Variants in DOCK8 observed in about 807,000 individuals in gnomAD.
DOCK8 encodes dedicator of cytokinesis protein 8.
In DOCK8, 141 loss-of-function variants were observed where a neutral mutation model predicts 245.6. The ratio of observed to expected loss-of-function variants is 0.57; its 90% CI spans 0.50 to 0.66. The LOEUF is 0.66. Ranked by LOEUF, DOCK8 falls within the 30% of genes least tolerant of loss-of-function variation. The pLI is 0.00. For synonymous variants in DOCK8, 1,168 were observed against 970.2 expected (o/e 1.20, Z -3.79); for missense variants, 2,965 against 2,603.4 (o/e 1.14, Z -3.02).
rs147438181 is a variant in DOCK8, at chr9:343,635, A to G, written c.1679+3314A>G. Among the ~76,000 whole-genome samples, 648 of 152,304 alleles carry G rather than the reference A, an allele frequency of 4.3e-3. 9 individuals are homozygous for G. Among genetic ancestry groups the G allele is most frequent in the African/African-American group, 0.013 (548 of 41,560 alleles). The stretch of plus-strand genomic sequence containing the variant: ...TTCCTGGAGCAGCTCTTCATTTTCA[A>G]TCCTCATTCCTTACATCTAAACTTA... On this transcript the variant is annotated intron_variant, in intron 14 of 47. Transcript: ENST00000432829.
At chr9:460,417 T>C (rs1301527785) in intron 46 of DOCK8, 1 of 152,228 alleles carries the variant, frequency 6.6e-6, no homozygotes, top group Non-Finnish European at 1.5e-5. Context: ...GCCAATGTTA[T>C]AAACTTGGGC....
intron 13 of DOCK8, among the ~76,000 whole-genome samples, chr9:339,586 C>G (rs1196451509): frequency 4.6e-5 from 7 of 152,206 alleles, no homozygotes; most frequent in Non-Finnish European, 1.0e-4. Context: ...ACAATCTCAG[C>G]TCACTGCAAC....
chr9:286,430 A>G, intron 2 of DOCK8, 31 bp from the exon 3 acceptor site: 1 of 1,611,178 alleles, frequency 6.2e-7, no homozygotes, highest in Non-Finnish European at 8.5e-7. Flanking sequence ...ACTGGGTGAG[A>G]ACCTCCTTTT....
At chr9:355,781 A>G (rs927932567) in intron 14 of DOCK8, among the ~76,000 whole-genome samples, 1 of 152,086 alleles carries the variant, frequency 6.6e-6, no homozygotes, top group African/African-American at 2.4e-5. Flanking sequence ...TGTACACCCT[A>G]TTCCTCCCTA....
At position 317,975 on chromosome 9, in the gene DOCK8, CAA is replaced by C. The variant is rs33920445; in HGVS notation, c.827+858_827+859del. 3.6e-3 allele frequency among the ~76,000 whole-genome samples: 541 copies of C among 149,502 alleles called. 4 individuals carry two copies. Among genetic ancestry groups the C allele is most frequent in the African/African-American group, 0.011 (460 of 40,892 alleles). On this transcript the variant is annotated intron_variant, in intron 7 of 47. Coordinates refer to ENST00000432829, the MANE Select transcript of DOCK8 (RefSeq NM_203447.4). ...ACGTTTCAATTGTATACTATGATAG[CAA>C]AAAAAAAAAATCCTCTATAGACATG... is the stretch of plus-strand genomic sequence containing the variant.
rs756277842 is a variant in DOCK8, at chr9:372,234, T to G, written c.2057T>G (p.Leu686Arg). 9 of 1,614,142 alleles carry G rather than the reference T, an allele frequency of 5.6e-6. No homozygotes were observed. The highest frequency in any genetic ancestry group is 7.6e-6 in the Non-Finnish European group (9 of 1,180,034). The change falls in exon 18 of 48, where the codon CTC becomes CGC. Residue 686 changes from leucine to arginine, a missense_variant. Leu to Arg is a moderately radical substitution (Grantham distance 102). Around this residue, in one of 3 missense-constraint regions of DOCK8, gnomAD observed 2,825 missense variants for 2,453.5 expected, o/e 1.15. Coordinates refer to ENST00000432829, the MANE Select transcript of DOCK8 (RefSeq NM_203447.4). ...CGTCTTCAAACTGGATCCTACTGTC[T>G]CCCAGTTGCCTTGGAAAAATTGCCA... ...NERLQTGSYC[L>R]PVALEKLPPN...
At position 377,036 on chromosome 9, in the gene DOCK8, C is replaced by T. The variant is rs565241553; in HGVS notation, c.2265C>T (p.Phe755=). The T allele has an allele frequency of 2.5e-6, 4 of 1,614,006 alleles. No homozygotes were observed. Among genetic ancestry groups the T allele is most frequent in the South Asian group, 1.1e-5 (1 of 91,074 alleles). ...ACTCCCTGGAGAGCCAGGTGACCTT[C>T]CCCATCCGCGTGCTGGATCAGAAAA... The part of the protein sequence containing the change: ...LCHSLESQVT[F]PIRVLDQKIS... Residue 755 remains phenylalanine (F), a synonymous_variant, in exon 20 of 48, where the codon TTC becomes TTT. Transcript: ENST00000432829.
At chr9:357,741 A>G (rs749133105) in intron 14 of DOCK8, among the ~76,000 whole-genome samples, 4 of 152,150 alleles carry the variant, frequency 2.6e-5, no homozygotes, top group African/African-American at 4.8e-5. Context: ...GCTTGCGATA[A>G]CACCCCCAGT....
chr9:284,635 A>G (rs2048733771), intron 2 of DOCK8: 1 of 152,198 alleles, frequency 6.6e-6, no homozygotes, highest in East Asian at 1.9e-4. Flanking sequence ...ATAAAGACAC[A>G]CGCGTGTGAA....
At chr9:427,024 A>G (rs779135084) in intron 34 of DOCK8, 43 bp downstream of exon 34, 4 of 1,535,356 alleles carry the variant, frequency 2.6e-6, no homozygotes, top group East Asian at 2.2e-5. Context: ...GGCCATGAAT[A>G]TGTTTACTAG....
At chr9:231,183 G>C (rs1587625697) in intron 1 of DOCK8, among the ~76,000 whole-genome samples, 2 of 152,120 alleles carry the variant, frequency 1.3e-5, no homozygotes, top group South Asian at 2.1e-4. Flanking sequence ...GCTTGTTTTT[G>C]TCAGGTTTGT....
At chr9:325,392 C>CAGAAA (rs1398375308) in intron 7 of DOCK8, among the ~76,000 whole-genome samples, 1 of 152,192 alleles carries the variant, frequency 6.6e-6, no homozygotes, top group Non-Finnish European at 1.5e-5. Context: ...CCATTCAGCC[C>CAGAAA]ACTCTCTCTT....
At chr9:399,318 G>T in intron 26 of DOCK8, 59 bp downstream of exon 26, 1 of 1,253,728 alleles carries the variant, frequency 8.0e-7, no homozygotes, top group Non-Finnish European at 1.1e-6. Flanking sequence ...CTCATATAAT[G>T]TGATGTTCGT....
chr9:369,354 C>CT (rs1469633494), intron 15 of DOCK8: 1 of 152,234 alleles, frequency 6.6e-6, no homozygotes, highest in African/African-American at 2.4e-5. Flanking sequence ...TGACTGTGGG[C>CT]TAAAGTCCAG....
chr9:226,774 G>A (rs1293638103), intron 1 of DOCK8, among the ~76,000 whole-genome samples: 2 of 152,200 alleles, frequency 1.3e-5, no homozygotes, highest in Admixed American at 6.5e-5. Flanking sequence ...AGACATTCAA[G>A]TAGAATTAGC....
intron 1 of DOCK8, among the ~76,000 whole-genome samples, chr9:250,805 G>A (rs1044191688): frequency 1.3e-5 from 2 of 152,206 alleles, no homozygotes; most frequent in Admixed American, 1.3e-4. Context: ...AACAGGACAG[G>A]AAGGAAGTCC....
At chr9:361,229 G>C (rs1013442072) in intron 14 of DOCK8, among the ~76,000 whole-genome samples, 1 of 152,094 alleles carries the variant, frequency 6.6e-6, no homozygotes, top group Non-Finnish European at 1.5e-5. Flanking sequence ...CATAGAGACT[G>C]GGAGAGTCTG....
intron 27 of DOCK8, among the ~76,000 whole-genome samples, chr9:406,570 C>G (rs2055428606): frequency 6.6e-6 from 1 of 151,682 alleles, no homozygotes; most frequent in Admixed American, 6.6e-5. Context: ...AGAGGAATTG[C>G]CTGTTCCCAG....
intron 14 of DOCK8, among the ~76,000 whole-genome samples, chr9:341,702 A>T (rs2051599577): frequency 6.6e-6 from 1 of 152,196 alleles, no homozygotes. Context: ...TTCACACTCT[A>T]GGTCAGGGGT....
Sources: allele counts gnomAD v4.1 joint callset (sites outside exome capture counted in the v4.1 genomes callset), GRCh38; gene constraint gnomAD v4.1.1; regional missense constraint gnomAD v4.1.1; transcripts MANE v1.5; gene names NCBI Gene and HGNC (gene_info 2026-07-23, HGNC 2026-07-21).